The following FBXL17 variants were observed in gnomAD, a reference collection of about 807,000 sequenced individuals.
FBXL17 encodes F-box and leucine rich repeat protein 17.
In FBXL17, 22 loss-of-function variants were observed where a neutral mutation model predicts 66.2. The observed-to-expected ratio is 0.33, with a 90% CI of 0.24 to 0.47. The LOEUF is 0.47. FBXL17 is among the 20% of genes least tolerant of loss of function. The probability of loss-of-function intolerance (pLI) is 1.00; values close to 1 mark genes in which losing one functional copy is unlikely to be tolerated. For missense variants in FBXL17, 878 were observed against 948.2 expected, an observed-to-expected ratio of 0.93 and a Z score of 0.97; for synonymous variants, 474 against 400.5, an observed-to-expected ratio of 1.18 and a Z score of -2.19.
chr5:108,061,965 G>A lies in FBXL17; in HGVS notation c.1746-40964C>T, dbSNP rs530759468. On this transcript the variant is annotated intron_variant, in intron 6 of 8. Transcript: ENST00000542267. ...AAGCCCGCATACATAAGTGTGATGC[G>A]TATTTATTGCCGCTCCTCTGATGAA... 3.3e-5 allele frequency among the ~76,000 whole-genome samples: 5 copies of A among 151,966 alleles called. 1 individual carries two copies. The highest frequency in any genetic ancestry group is 1.9e-4 in the East Asian group (1 of 5,144).
rs528218580 is a variant in FBXL17 at position 108,198,269 on chromosome 5, T to TA, written c.1615-12023dup. Reference sequence around the variant, plus strand: ...TTCTAATTTTAAGTCGTTTTTATGATAAAAAATTCCAAAATGTATACATAA... The same window carrying TA: ...TTCTAATTTTAAGTCGTTTTTATGATAAAAAAATTCCAAAATGTATACATAA... On this transcript the variant is annotated intron_variant, in intron 5 of 8. Transcript: ENST00000542267. Among the ~76,000 whole-genome samples the TA allele has an allele frequency of 2.8e-4, 43 of 152,138 alleles. No homozygotes were observed. The South Asian group carries it at 7.0e-3, about 25-fold the overall frequency.
At chr5:108,126,048 G>T (rs1323192508) in intron 6 of FBXL17, among the ~76,000 whole-genome samples, 1 of 152,048 alleles carries the variant, frequency 6.6e-6, no homozygotes, top group Non-Finnish European at 1.5e-5. Context: ...ATGGAATGGG[G>T]CTTTTGAGAA....
At chr5:108,078,013 C>T (rs1160794138) in intron 6 of FBXL17, among the ~76,000 whole-genome samples, 14 of 152,164 alleles carry the variant, frequency 9.2e-5, no homozygotes, top group Admixed American at 8.5e-4. Flanking sequence ...CTGATTAAAA[C>T]TACAATCCAG....
intron 6 of FBXL17, among the ~76,000 whole-genome samples, chr5:108,107,816 AAAAAAAAG>A (rs1183675680): frequency 1.3e-5 from 2 of 151,082 alleles, no homozygotes; most frequent in Non-Finnish European, 3.0e-5. Flanking sequence ...TGTCTCAAAA[AAAAAAAAG>A]AAAAGAAAAA....
At chr5:108,209,276 CT>C (rs1754262655) in intron 5 of FBXL17, among the ~76,000 whole-genome samples, 1 of 152,154 alleles carries the variant, frequency 6.6e-6, no homozygotes, top group South Asian at 2.1e-4. Context: ...ATTTGACTTC[CT>C]CTCTTCCTAT....
chr5:107,909,519 A>G (rs1275813245), intron 7 of FBXL17, among the ~76,000 whole-genome samples: 1 of 152,238 alleles, frequency 6.6e-6, no homozygotes, highest in Non-Finnish European at 1.5e-5. Context: ...TACAAAGAAT[A>G]GCTATTAGTT....
chr5:108,368,872 C>G (rs1220517543), intron 1 of FBXL17, among the ~76,000 whole-genome samples: 2 of 151,074 alleles, frequency 1.3e-5, no homozygotes, highest in African/African-American at 2.4e-5. Flanking sequence ...ATCAGGCAAG[C>G]CTGCCTCCCA....
intron 3 of FBXL17, among the ~76,000 whole-genome samples, chr5:108,356,930 T>G (rs183595186): frequency 6.6e-6 from 1 of 152,022 alleles, no homozygotes; most frequent in Non-Finnish European, 1.5e-5. Flanking sequence ...AATAGGAGTA[T>G]GTAGGAAATA....
intron 7 of FBXL17, among the ~76,000 whole-genome samples, chr5:107,916,218 T>C (rs1186787627): frequency 1.3e-5 from 2 of 152,178 alleles, no homozygotes; most frequent in African/African-American, 4.8e-5. Flanking sequence ...AATCAATCCT[T>C]TGTTTTCACA....
At chr5:108,065,042 T>A (rs1293436547) in intron 6 of FBXL17, among the ~76,000 whole-genome samples, 1 of 152,182 alleles carries the variant, frequency 6.6e-6, no homozygotes, top group Non-Finnish European at 1.5e-5. Context: ...CTCCCTCTTC[T>A]ATCCCTAGAA....
intron 6 of FBXL17, among the ~76,000 whole-genome samples, chr5:108,067,655 C>A (rs1017532209): frequency 3.3e-5 from 5 of 152,042 alleles, no homozygotes; most frequent in Non-Finnish European, 7.4e-5. Context: ...TAGAACCCAA[C>A]TTTGTATTTG....
intron 7 of FBXL17, among the ~76,000 whole-genome samples, chr5:107,941,073 T>C (rs1303462877): frequency 2.6e-5 from 4 of 151,612 alleles, no homozygotes; most frequent in South Asian, 2.1e-4. Flanking sequence ...ACCTAAGATA[T>C]GATTCTAAAC....
At chr5:108,355,265 T>G (rs1747906530) in intron 3 of FBXL17, among the ~76,000 whole-genome samples, 1 of 39,838 alleles carries the variant, frequency 2.5e-5, no homozygotes, top group Non-Finnish European at 5.0e-5. Context: ...AAAAACTTTA[T>G]TTATTTATTT....
At chr5:107,934,281 C>G (rs994187274) in intron 7 of FBXL17, among the ~76,000 whole-genome samples, 9 of 152,194 alleles carry the variant, frequency 5.9e-5, no homozygotes, top group Non-Finnish European at 1.2e-4. Flanking sequence ...CTGTGAACTT[C>G]GAGAACAATT....
chr5:108,000,345 GA>G (rs1753671528), intron 7 of FBXL17, among the ~76,000 whole-genome samples: 1 of 152,198 alleles, frequency 6.6e-6, no homozygotes, highest in Admixed American at 6.5e-5. Flanking sequence ...ACTTGGCAAT[GA>G]AAAGTATGCA....
intron 1 of FBXL17, among the ~76,000 whole-genome samples, chr5:108,369,213 A>G (rs1748869850): frequency 6.6e-6 from 1 of 152,226 alleles, no homozygotes; most frequent in Non-Finnish European, 1.5e-5. Flanking sequence ...CCTCAGGTGT[A>G]AATTGAGTAT....
At chr5:108,154,808 C>T (rs1241247394) in intron 6 of FBXL17, among the ~76,000 whole-genome samples, 2 of 151,026 alleles carry the variant, frequency 1.3e-5, no homozygotes, top group Non-Finnish European at 2.9e-5. Context: ...CCAACCATTA[C>T]CCCTGAACAG....
intron 4 of FBXL17, among the ~76,000 whole-genome samples, chr5:108,347,634 A>G (rs1470421443): frequency 6.6e-6 from 1 of 152,212 alleles, no homozygotes; most frequent in Non-Finnish European, 1.5e-5. Flanking sequence ...AGGAAAACCC[A>G]TAGAGATAGA....
chr5:107,872,932 C>T (rs575285153), intron 8 of FBXL17, among the ~76,000 whole-genome samples: 14 of 152,254 alleles, frequency 9.2e-5, no homozygotes, highest in Admixed American at 4.6e-4. Flanking sequence ...TCTGGCAGGA[C>T]GGAGTGGTTA....
Sources: allele counts gnomAD v4.1 joint callset (sites outside exome capture counted in the v4.1 genomes callset), GRCh38; gene constraint gnomAD v4.1.1; transcripts MANE v1.5; gene names NCBI Gene and HGNC (gene_info 2026-07-23, HGNC 2026-07-21).